Variants in FKTN observed in about 807,000 individuals in gnomAD.
The protein encoded by FKTN is ribitol-5-phosphate transferase FKTN.
Under a neutral mutation model 58.6 loss-of-function variants are expected in FKTN, and 47 were observed. The observed-to-expected ratio is 0.80, with a 90% CI of 0.63 to 1.02. The LOEUF (loss-of-function observed/expected upper bound fraction) is 1.02. Among genes scored for constraint, FKTN ranks in the 50% least tolerant of loss-of-function variants. The pLI is 0.00. For missense variants in FKTN, 516 were observed against 537.3 expected (o/e 0.96, Z 0.39); for synonymous variants, 178 against 191.9 (o/e 0.93, Z 0.60).
intron 3 of FKTN, among the ~76,000 whole-genome samples, chr9:105,581,394 C>T (rs1381134285): frequency 6.8e-6 from 1 of 147,856 alleles, no homozygotes; most frequent in Admixed American, 6.7e-5. Flanking sequence ...CAGACAGGAC[C>T]CTCAGCTGCA....
intron 1 of FKTN, among the ~76,000 whole-genome samples, chr9:105,558,734 C>T (rs1837685344): frequency 6.6e-6 from 1 of 151,266 alleles, no homozygotes; most frequent in African/African-American, 2.4e-5. Context: ...GAACAAATGA[C>T]AAAGTGAATG....
chr9:105,631,449 A>C (rs562082051), intron 10 of FKTN, among the ~76,000 whole-genome samples: 1 of 152,330 alleles, frequency 6.6e-6, no homozygotes, highest in Admixed American at 6.5e-5. Flanking sequence ...TGTAAAACTT[A>C]AGTTTAAAAA....
intron 10 of FKTN, among the ~76,000 whole-genome samples, chr9:105,632,410 A>G (rs1045057663): frequency 1.6e-5 from 2 of 124,488 alleles, no homozygotes; most frequent in South Asian, 4.6e-4. Context: ...CTAAAACTTA[A>G]AAGTATAATA....
chr9:105,580,316 T>C (rs1842642245), intron 3 of FKTN, among the ~76,000 whole-genome samples: 1 of 152,092 alleles, frequency 6.6e-6, no homozygotes, highest in Non-Finnish European at 1.5e-5. Context: ...GGTTGTTCCT[T>C]TCCATGTTTA....
intron 10 of FKTN, 121 bp downstream of exon 10, chr9:105,620,182 C>G: frequency 1.3e-6 from 1 of 795,670 alleles, no homozygotes; most frequent in Non-Finnish European, 2.1e-6. Flanking sequence ...TATTAGCTAA[C>G]ACTTTCTTAG....
At chr9:105,589,511 C>T (rs1452886758) in intron 3 of FKTN, among the ~76,000 whole-genome samples, 1 of 149,408 alleles carries the variant, frequency 6.7e-6, no homozygotes, top group African/African-American at 2.5e-5. Flanking sequence ...CAAAAAAAAA[C>T]TGGGGGGGGC....
intron 3 of FKTN, among the ~76,000 whole-genome samples, chr9:105,586,370 A>G (rs1334522820): frequency 2.0e-5 from 3 of 152,192 alleles, no homozygotes; most frequent in Non-Finnish European, 4.4e-5. Context: ...GTGGGCGCCA[A>G]CTTTCAAGTA....
Position 105,639,544 on chromosome 9 carries a change from G to T in FKTN, c.*4280G>T. The T allele has an allele frequency of 1.0e-6, 1 of 971,680 alleles. No individual in the cohort carries two copies. The highest frequency in any genetic ancestry group is 1.2e-6 in the Non-Finnish European group (1 of 817,572). The allele number at this position is 971,680 out of a possible 1,614,324, so 60.2% of individuals were successfully genotyped here. A position where few individuals can be genotyped will look rare whatever the true frequency, so the allele number is the denominator to read the frequency against. On this transcript the variant is annotated 3_prime_UTR_variant, in exon 11 of 11. Coordinates refer to ENST00000357998, the MANE Select transcript of FKTN (RefSeq NM_001079802.2). ...TACTCAAGAAATGTGCAATTTTCTA[G>T]TTCCATGTTTCTTTTCTAATCTTCA... is the stretch of plus-strand genomic sequence containing the variant.
chr9:105,638,580 C>T lies in FKTN; in HGVS notation c.*3316C>T, dbSNP rs1834208283. 1.0e-6 allele frequency: 1 copy of T among 985,308 alleles called. No homozygotes were observed. Among genetic ancestry groups the T allele is most frequent in the Middle Eastern group, 5.2e-4 (1 of 1,914 alleles). 61.0% of individuals were successfully genotyped at this position (985,308 alleles called of 1,614,324 possible). A position where few individuals can be genotyped will look rare whatever the true frequency, so the allele number is the denominator to read the frequency against. The stretch of plus-strand genomic sequence containing the variant: ...AAGTCTCTCCCCTTCCTGAAGTGAC[C>T]TTTTATGAGGCTCTTTCCTTCCTAA... On this transcript the variant is annotated 3_prime_UTR_variant, in exon 11 of 11. Transcript: ENST00000357998.
In FKTN at chr9:105,636,283, CT is replaced by C. The variant is rs1439130399; in HGVS notation, c.*1020del. On this transcript the variant is annotated 3_prime_UTR_variant, in exon 11 of 11. Coordinates refer to ENST00000357998, the MANE Select transcript of FKTN (RefSeq NM_001079802.2). ...TCATTTATCAATTACAGCTTCGTAT[CT>C]CTAATTTATGGTCTATATACCAATT... 2.1e-5 allele frequency: 20 copies of C among 959,334 alleles called. No homozygotes were observed. Among genetic ancestry groups the C allele is most frequent in the African/African-American group, 7.0e-5 (4 of 56,742 alleles). 59.4% of individuals were successfully genotyped at this position (959,334 alleles called of 1,614,324 possible).
intron 4 of FKTN, among the ~76,000 whole-genome samples, chr9:105,597,342 A>G (rs1185235936): frequency 6.6e-6 from 1 of 152,194 alleles, no homozygotes; most frequent in African/African-American, 2.4e-5. Flanking sequence ...ATCACCAAGC[A>G]GTGGTCATTT....
At chr9:105,608,997 A>G (rs1038648317) in intron 7 of FKTN, among the ~76,000 whole-genome samples, 4 of 152,210 alleles carry the variant, frequency 2.6e-5, no homozygotes, top group Non-Finnish European at 4.4e-5. Flanking sequence ...TGTGGTTGTC[A>G]TCTCTATTAT....
At chr9:105,576,207 T>A (rs986098204) in intron 3 of FKTN, among the ~76,000 whole-genome samples, 43 of 151,870 alleles carry the variant, frequency 2.8e-4, no homozygotes, top group African/African-American at 1.0e-3. Context: ...AGGGTACATT[T>A]GCACATTGTG....
At chr9:105,604,823 G>A (rs2132812587) in intron 6 of FKTN, among the ~76,000 whole-genome samples, 1 of 152,128 alleles carries the variant, frequency 6.6e-6, no homozygotes, top group Non-Finnish European at 1.5e-5. Flanking sequence ...ATGCATTGTG[G>A]TGGGTGCCTG....
intron 3 of FKTN, among the ~76,000 whole-genome samples, chr9:105,590,883 G>A (rs573788189): frequency 1.4e-5 from 2 of 141,588 alleles, no homozygotes; most frequent in Admixed American, 1.4e-4. Flanking sequence ...CTTCTGGGGA[G>A]GCCTCAGGAA....
rs566599722 is a variant in FKTN at position 105,567,810 on chromosome 9, G to C, written c.-180-5845G>C. Among the ~76,000 whole-genome samples the C allele has an allele frequency of 9.1e-3, 1,379 of 152,142 alleles. 22 individuals are homozygous for C. The highest frequency in any genetic ancestry group is 0.032 in the African/African-American group (1,320 of 41,510). ...AAACTACTTTAGAGTTCATATGGAAGCAAAAAAGAGCCCGCCTTGCCAAGT... is the reference window on the plus strand; with the variant it reads ...AAACTACTTTAGAGTTCATATGGAACCAAAAAAGAGCCCGCCTTGCCAAGT... On this transcript the variant is annotated intron_variant, in intron 1 of 10. Transcript: ENST00000357998.
chr9:105,625,907 T>G (rs1832682387), intron 10 of FKTN, among the ~76,000 whole-genome samples: 1 of 152,196 alleles, frequency 6.6e-6, no homozygotes, highest in South Asian at 2.1e-4. Flanking sequence ...AGCTCCTGTT[T>G]CCCACAAGGT....
rs796823797 is a variant in FKTN, at chr9:105,608,105, GT to G, written c.780+162del. On this transcript the variant is annotated intron_variant, in intron 7 of 10. Coordinates refer to ENST00000357998, the MANE Select transcript of FKTN (RefSeq NM_001079802.2). ...TTTTCTTCTAGATTGTTTTCTTTCAGTTTTTTTTAGAAGTAGATTAAAAATT... is the reference window on the plus strand; with the variant it reads ...TTTTCTTCTAGATTGTTTTCTTTCAGTTTTTTTAGAAGTAGATTAAAAATT... 3.9e-5 allele frequency among the ~76,000 whole-genome samples: 6 copies of G among 151,940 alleles called. 1 individual carries two copies. The highest frequency in any genetic ancestry group is 1.2e-4 in the African/African-American group (5 of 41,432).
intron 3 of FKTN, among the ~76,000 whole-genome samples, chr9:105,578,577 T>C (rs1197642941): frequency 6.6e-6 from 1 of 151,264 alleles, no homozygotes; most frequent in Non-Finnish European, 1.5e-5. Context: ...TTTGCCAGTA[T>C]TTTATTGAGG....
Sources: gnomAD v4.1 joint callset for allele counts (sites outside exome capture counted in the v4.1 genomes callset) on GRCh38, gnomAD v4.1.1 for gene constraint, MANE v1.5 for transcripts, NCBI Gene and HGNC (gene_info 2026-07-23, HGNC 2026-07-21) for gene names.